GSG1L: variants seen among roughly 807,000 people sequenced by gnomAD.
The protein encoded by GSG1L is GSG1 like, also known as germ cell-specific gene 1-like protein.
GSG1L carries 24 observed loss-of-function variants against 42.1 expected under a neutral mutation model. The observed-to-expected ratio is 0.57, with a 90% CI of 0.41 to 0.80. GSG1L has a LOEUF of 0.80. GSG1L is among the 30% of genes least tolerant of loss of function. GSG1L has a pLI of 0.00. For missense variants in GSG1L, 445 were observed against 472.2 expected, an observed-to-expected ratio of 0.94 and a Z score of 0.53; for synonymous variants, 215 against 203.5, an observed-to-expected ratio of 1.06 and a Z score of -0.48.
intron 1 of GSG1L, among the ~76,000 whole-genome samples, chr16:28,005,304 G>A (rs2085626604): frequency 6.6e-6 from 1 of 152,120 alleles, no homozygotes; most frequent in Non-Finnish European, 1.5e-5. Context: ...GTAGAGACAG[G>A]GGTTTCACCA....
At chr16:27,856,367 G>A (rs1269877850) in intron 3 of GSG1L, among the ~76,000 whole-genome samples, 1 of 152,206 alleles carries the variant, frequency 6.6e-6, no homozygotes, top group Non-Finnish European at 1.5e-5. Context: ...AGTCTAGAGT[G>A]TAGTGGTGCG....
intron 1 of GSG1L, among the ~76,000 whole-genome samples, chr16:28,047,802 CT>C (rs1344096163): frequency 6.6e-6 from 1 of 152,036 alleles, no homozygotes; most frequent in Non-Finnish European, 1.5e-5. Context: ...TAGACTCAAA[CT>C]TTTTTATGAA....
intron 3 of GSG1L, among the ~76,000 whole-genome samples, chr16:27,882,537 T>C (rs1386937056): frequency 6.6e-6 from 1 of 152,190 alleles, no homozygotes; most frequent in African/African-American, 2.4e-5. Flanking sequence ...CTTCCCACCA[T>C]TTTGAGCTAT....
chr16:27,901,336 T>C (rs1202540178), intron 2 of GSG1L, among the ~76,000 whole-genome samples: 1 of 152,148 alleles, frequency 6.6e-6, no homozygotes, highest in Non-Finnish European at 1.5e-5. Context: ...CAGGTGCATC[T>C]AGCCCACTGA....
At chr16:28,044,912 A>G (rs1428513922) in intron 1 of GSG1L, among the ~76,000 whole-genome samples, 1 of 152,216 alleles carries the variant, frequency 6.6e-6, no homozygotes, top group Admixed American at 6.5e-5. Flanking sequence ...GGCGTGAGCT[A>G]CCGCGTCCGG....
At chr16:27,983,519 T>C (rs1377547172) in intron 1 of GSG1L, among the ~76,000 whole-genome samples, 1 of 152,214 alleles carries the variant, frequency 6.6e-6, no homozygotes, top group Non-Finnish European at 1.5e-5. Flanking sequence ...TCAGGGAAGC[T>C]TGATAAATTA....
intron 1 of GSG1L, among the ~76,000 whole-genome samples, chr16:28,029,011 A>G (rs2085928510): frequency 6.6e-6 from 1 of 152,194 alleles, no homozygotes; most frequent in African/African-American, 2.4e-5. Context: ...ACATCAGCTG[A>G]TGAACAGATC....
intron 6 of GSG1L, among the ~76,000 whole-genome samples, chr16:27,800,394 G>A (rs895326270): frequency 7.9e-5 from 12 of 152,280 alleles, no homozygotes; most frequent in African/African-American, 2.2e-4. Flanking sequence ...ACAGCCTCTC[G>A]TGGAGCCCAG....
chr16:27,910,670 C>T (rs747953309), intron 2 of GSG1L, among the ~76,000 whole-genome samples: 3 of 152,198 alleles, frequency 2.0e-5, no homozygotes, highest in Admixed American at 1.3e-4. Flanking sequence ...ACAAAAGCCC[C>T]TGGTCAGGAT....
At chr16:28,001,311 C>T (rs2085575961) in intron 1 of GSG1L, among the ~76,000 whole-genome samples, 1 of 152,160 alleles carries the variant, frequency 6.6e-6, no homozygotes, top group South Asian at 2.1e-4. Flanking sequence ...TCTTTCAACC[C>T]CAGGGCTGCT....
chr16:27,998,003 G>A (rs1203937833), intron 1 of GSG1L, among the ~76,000 whole-genome samples: 1 of 151,996 alleles, frequency 6.6e-6, no homozygotes, highest in East Asian at 1.9e-4. Context: ...GAGATTACAG[G>A]CATGCGCCAC....
chr16:27,988,985 G>C (rs180926318), intron 1 of GSG1L, among the ~76,000 whole-genome samples: 1 of 148,738 alleles, frequency 6.7e-6, no homozygotes, highest in Non-Finnish European at 1.5e-5. Flanking sequence ...CCCGGGAGGC[G>C]GATGTTGCAG....
intron 3 of GSG1L, among the ~76,000 whole-genome samples, chr16:27,864,448 G>C (rs1387542676): frequency 6.6e-6 from 1 of 152,188 alleles, no homozygotes. Context: ...GCTCAAAACA[G>C]CCCTTCACTG....
At chr16:27,838,728 G>A (rs1353743929) in intron 4 of GSG1L, among the ~76,000 whole-genome samples, 2 of 152,126 alleles carry the variant, frequency 1.3e-5, no homozygotes, top group Non-Finnish European at 2.9e-5. Context: ...TGTGGGGCAC[G>A]GCTGGGCACA....
rs111680185 is a variant in GSG1L at position 27,794,009 on chromosome 16, T to G, written c.899-2542A>C. Among the ~76,000 whole-genome samples, 993 of 151,974 alleles carry G rather than the reference T, an allele frequency of 6.5e-3. 7 individuals are homozygous for G. Among genetic ancestry groups the G allele is most frequent in the African/African-American group, 0.018 (764 of 41,488 alleles). Reference sequence around the variant, plus strand: ...GGGCTCAGATCTTCCTAAACTGTTTTTTTGTTTGTTTGTTTGTTTGTTTGA... The same window carrying G: ...GGGCTCAGATCTTCCTAAACTGTTTGTTTGTTTGTTTGTTTGTTTGTTTGA... On this transcript the variant is annotated intron_variant, in intron 6 of 6. Transcript: ENST00000447459.
chr16:27,948,734 C>G (rs923117114), intron 2 of GSG1L, among the ~76,000 whole-genome samples: 10 of 151,428 alleles, frequency 6.6e-5, no homozygotes, highest in Non-Finnish European at 1.2e-4. Flanking sequence ...CTCAGCCTCC[C>G]GAGTAGCTGG....
intron 6 of GSG1L, among the ~76,000 whole-genome samples, chr16:27,792,222 G>C (rs1388254626): frequency 4.6e-5 from 7 of 152,168 alleles, no homozygotes; most frequent in Admixed American, 3.3e-4. Flanking sequence ...GATATTAGAA[G>C]GGGAACAAGA....
At chr16:27,796,558 C>T (rs1051429384) in intron 6 of GSG1L, among the ~76,000 whole-genome samples, 31 of 152,194 alleles carry the variant, frequency 2.0e-4, no homozygotes, top group African/African-American at 6.3e-4. Flanking sequence ...CCAGGCACAG[C>T]GTTGAAAGCA....
At chr16:27,967,553 G>A (rs1274120255) in intron 1 of GSG1L, among the ~76,000 whole-genome samples, 1 of 152,230 alleles carries the variant, frequency 6.6e-6, no homozygotes, top group East Asian at 1.9e-4. Flanking sequence ...GGGCCACACA[G>A]CACATTAGAG....
Sources: gnomAD v4.1 joint callset for allele counts (sites outside exome capture counted in the v4.1 genomes callset) on GRCh38, gnomAD v4.1.1 for gene constraint, MANE v1.5 for transcripts, NCBI Gene and HGNC (gene_info 2026-07-23, HGNC 2026-07-21) for gene names.